ANKRD55: variants seen among roughly 807,000 people sequenced by gnomAD.
The protein encoded by ANKRD55 is ankyrin repeat domain-containing protein 55.
A neutral mutation model predicts 60.6 loss-of-function variants in ANKRD55; 41 were observed. The observed-to-expected ratio is 0.68, with a 90% CI of 0.53 to 0.88. ANKRD55 has a LOEUF of 0.88. Ranked by LOEUF, ANKRD55 falls within the 40% of genes least tolerant of loss-of-function variation. The pLI, the probability that ANKRD55 is intolerant of heterozygous loss-of-function variation, is 0.00. For missense variants in ANKRD55, 732 were observed against 767.6 expected (o/e 0.95, Z 0.55); for synonymous variants, 264 against 290.3 (o/e 0.91, Z 0.92).
intron 4 of ANKRD55, among the ~76,000 whole-genome samples, chr5:56,173,541 CCTCT>C (rs71578616): frequency 0.085 from 5,160 of 60,998 alleles, 242 homozygotes; most frequent in Non-Finnish European, 0.1. Flanking sequence ...TAGAGATTCG[CCTCT>C]CTCTCTCTCT....
intron 6 of ANKRD55, among the ~76,000 whole-genome samples, chr5:56,157,861 ACTTTT>A: frequency 6.6e-6 from 1 of 152,080 alleles, no homozygotes; most frequent in East Asian, 1.9e-4. Context: ...CCGTGGGCCC[ACTTTT>A]CTTCTTCTAT....
chr5:56,207,877 A>G (rs1422989088), intron 2 of ANKRD55, among the ~76,000 whole-genome samples: 1 of 152,212 alleles, frequency 6.6e-6, no homozygotes, highest in Non-Finnish European at 1.5e-5. Flanking sequence ...TTTCTTCTAT[A>G]ATAAATTAAT....
At chr5:56,202,304 A>C (rs1759398988) in intron 2 of ANKRD55, among the ~76,000 whole-genome samples, 1 of 152,116 alleles carries the variant, frequency 6.6e-6, no homozygotes, top group Non-Finnish European at 1.5e-5. Context: ...TTGAACTTAA[A>C]ATGAAAGTTA....
intron 4 of ANKRD55, among the ~76,000 whole-genome samples, chr5:56,173,608 C>CTT (rs1758670577): frequency 2.8e-5 from 2 of 72,504 alleles, no homozygotes; most frequent in Non-Finnish European, 5.9e-5. Context: ...ATATATATAT[C>CTT]TTGGCTCACC....
At chr5:56,179,448 A>G (rs759098390) in intron 3 of ANKRD55, among the ~76,000 whole-genome samples, 1 of 152,220 alleles carries the variant, frequency 6.6e-6, no homozygotes, top group Non-Finnish European at 1.5e-5. Context: ...GAATCAGAAA[A>G]GAATAAAAAG....
chr5:56,126,451 A>G (rs1561259358), intron 8 of ANKRD55, among the ~76,000 whole-genome samples: 1 of 152,182 alleles, frequency 6.6e-6, no homozygotes. Context: ...CAGACAATAC[A>G]TCTTTGATGA....
At position 56,198,875 on chromosome 5, in the gene ANKRD55, C is replaced by T. The variant is rs373948850; in HGVS notation, c.59-15241G>A. On this transcript the variant is annotated intron_variant, in intron 2 of 11. Coordinates refer to ENST00000341048, the MANE Select transcript of ANKRD55 (RefSeq NM_024669.3). ...CAGGCGGATCACGAGGTCAGGAGAT[C>T]AAGACCAACCTGGCTAACATGGTGA... Among the ~76,000 whole-genome samples, 659 of 151,962 alleles carry T rather than the reference C, an allele frequency of 4.3e-3. 5 individuals carry two copies. Among genetic ancestry groups the T allele is most frequent in the African/African-American group, 0.015 (614 of 41,458 alleles).
In ANKRD55 at chr5:56,116,757, C is replaced by A. The variant is rs367810872; in HGVS notation, c.823G>T (p.Ala275Ser). 2.5e-6 allele frequency: 4 copies of A among 1,612,554 alleles called. No homozygotes were observed. The highest frequency in any genetic ancestry group is 1.3e-5 in the African/African-American group (1 of 74,856). The change falls in exon 9 of 12, where the codon GCA becomes TCA. Residue 275 changes from alanine (A) to serine (S), a missense_variant. Ala to Ser is a moderately conservative substitution (Grantham distance 99). Around this residue, in one of 3 missense-constraint regions of ANKRD55, gnomAD observed 597 missense variants for 607.5 expected, o/e 0.98. Transcript: ENST00000341048. ...GACTGGACACATTCGGCCTTCCCTGCAGCTGCAGCCCAGTGCAGAGGTGTC... is the reference window on the plus strand; with the variant it reads ...GACTGGACACATTCGGCCTTCCCTGAAGCTGCAGCCCAGTGCAGAGGTGTC... Reference protein sequence around the residue: ...DRTPLHWAAAAGKAECVQSLL... With the variant: ...DRTPLHWAAASGKAECVQSLL...
intron 2 of ANKRD55, among the ~76,000 whole-genome samples, chr5:56,207,723 T>C (rs745985133): frequency 1.3e-5 from 2 of 152,184 alleles, no homozygotes; most frequent in Non-Finnish European, 2.9e-5. Context: ...ATAGCATAAA[T>C]AGAGCTTGCA....
chr5:56,170,098 C>G (rs1758572913), intron 5 of ANKRD55, among the ~76,000 whole-genome samples: 1 of 152,140 alleles, frequency 6.6e-6, no homozygotes, highest in Non-Finnish European at 1.5e-5. Flanking sequence ...TTCTGGTTTC[C>G]TTCTAACCCC....
intron 2 of ANKRD55, among the ~76,000 whole-genome samples, chr5:56,219,696 A>C (rs1033762610): frequency 6.6e-6 from 1 of 152,236 alleles, no homozygotes; most frequent in Non-Finnish European, 1.5e-5. Context: ...ACTCCTGGTT[A>C]GTGGTCTTAG....
At chr5:56,217,089 C>G (rs1759831559) in intron 2 of ANKRD55, among the ~76,000 whole-genome samples, 1 of 152,220 alleles carries the variant, frequency 6.6e-6, no homozygotes, top group African/African-American at 2.4e-5. Flanking sequence ...GAAGCCAGTG[C>G]TCATTTACCA....
At position 56,127,086 on chromosome 5, in the gene ANKRD55, G is replaced by T; in HGVS notation, c.633C>A (p.Cys211Ter). The T allele has an allele frequency of 6.2e-7, 1 of 1,610,674 alleles. No individual in the cohort carries two copies. Among genetic ancestry groups the T allele is most frequent in the Non-Finnish European group, 8.5e-7 (1 of 1,178,326 alleles). Residue 211 changes from cysteine (C) to a stop codon, truncating the protein, a stop_gained, in exon 8 of 12, where the codon TGC becomes TGA. Transcript: ENST00000341048. LOFTEE classifies it high-confidence loss of function. ...CCTGGTGATGGCTCAGAATGATGGA[G>T]CACAGAATCCTATTTCCACTCTGGA... ...WAVQSGNRIL[C>*]SIILSHHQGP...
intron 7 of ANKRD55, 109 bp from the exon 8 acceptor site, chr5:56,127,215 GAA>G (rs1391277957): frequency 1.5e-6 from 2 of 1,296,004 alleles, no homozygotes; most frequent in African/African-American, 1.5e-5. Context: ...AAGAAAGAAA[GAA>G]AAAAGATGAA....
At chr5:56,223,535 T>C (rs1474766100) in intron 2 of ANKRD55, among the ~76,000 whole-genome samples, 1 of 152,140 alleles carries the variant, frequency 6.6e-6, no homozygotes, top group African/African-American at 2.4e-5. Context: ...GGCTAAATGC[T>C]CCAATTAAAA....
intron 2 of ANKRD55, among the ~76,000 whole-genome samples, chr5:56,212,167 T>C (rs1759691427): frequency 6.6e-6 from 1 of 152,088 alleles, no homozygotes; most frequent in Non-Finnish European, 1.5e-5. Flanking sequence ...CAATTTCAGT[T>C]GGGTATTGAA....
At chr5:56,144,211 G>A (rs1757843417) in intron 6 of ANKRD55, among the ~76,000 whole-genome samples, 1 of 152,214 alleles carries the variant, frequency 6.6e-6, no homozygotes, top group Non-Finnish European at 1.5e-5. Context: ...GATATTAAAT[G>A]CACAAAAACA....
chr5:56,221,455 G>T (rs962980855), intron 2 of ANKRD55, among the ~76,000 whole-genome samples: 4 of 152,226 alleles, frequency 2.6e-5, no homozygotes, highest in African/African-American at 7.2e-5. Flanking sequence ...ATTTCCAACT[G>T]AGGTACCAGG....
chr5:56,183,903 G>C (rs545919526), intron 2 of ANKRD55, among the ~76,000 whole-genome samples: 19 of 152,304 alleles, frequency 1.2e-4, no homozygotes, highest in Non-Finnish European at 2.4e-4. Flanking sequence ...AGGCATTCAG[G>C]CTTCTCGAAG....
Sources: gnomAD v4.1 joint callset for allele counts (sites outside exome capture counted in the v4.1 genomes callset) on GRCh38, gnomAD v4.1.1 for gene constraint, gnomAD v4.1.1 regional missense constraint, MANE v1.5 for transcripts, NCBI Gene and HGNC (gene_info 2026-07-23, HGNC 2026-07-21) for gene names.